Variants in PAX8 observed in about 807,000 individuals in gnomAD.
PAX8 encodes paired box protein Pax-8.
A neutral mutation model predicts 52.4 loss-of-function variants in PAX8; 15 were observed. The observed-to-expected ratio is 0.29, with a 90% CI of 0.19 to 0.44. The LOEUF (loss-of-function observed/expected upper bound fraction) is 0.44, where lower values mean the gene tolerates loss of function less well. Among genes scored for constraint, PAX8 ranks in the 20% least tolerant of loss-of-function variants. PAX8 has a pLI of 1.00. For synonymous variants in PAX8, 284 were observed against 249.7 expected (o/e 1.14, Z -1.29); for missense variants, 554 against 602.5 (o/e 0.92, Z 0.84).
chr2:113,274,948 A>C (rs1693698024), intron 2 of PAX8: 1 of 152,196 alleles, frequency 6.6e-6, no homozygotes, highest in Admixed American at 6.5e-5. Context: ...CATAAATAGA[A>C]CGTTTTGACA....
At chr2:113,225,700 C>G (rs1689520498) in intron 10 of PAX8, 1 of 158,538 alleles carries the variant, frequency 6.3e-6, no homozygotes, top group South Asian at 2.0e-4. Flanking sequence ...GCCCCAGGAA[C>G]CCCTTGCCCT....
intron 10 of PAX8, chr2:113,226,000 T>C (rs893409537): frequency 1.0e-6 from 1 of 985,612 alleles, no homozygotes; most frequent in Non-Finnish European, 1.2e-6. Flanking sequence ...CAGTATTCTG[T>C]ATTTTCAACG....
chr2:113,278,360 G>T lies in PAX8; in HGVS notation c.25+10C>A. 1.9e-6 allele frequency: 3 copies of T among 1,592,888 alleles called. No individual in the cohort carries two copies. The highest frequency in any genetic ancestry group is 2.6e-6 in the Non-Finnish European group (3 of 1,163,208). On this transcript the variant is annotated intron_variant, in intron 2 of 11. Coordinates refer to ENST00000429538, the MANE Select transcript of PAX8 (RefSeq NM_003466.4). ...GGGGCTCGGGGATCCTGACCACACC[G>T]CGTTCTTACCAGATCTGATGGAGTT... is the stretch of plus-strand genomic sequence containing the variant.
chr2:113,260,878 T>TTGTGTGTGTG (rs34240850), intron 2 of PAX8, among the ~76,000 whole-genome samples: 2,241 of 148,182 alleles, frequency 0.015, 34 homozygotes, highest in African/African-American at 0.035. Context: ...AGTGACTGTT[T>TTGTGTGTGTG]TGTGTGTGTG....
intron 2 of PAX8, among the ~76,000 whole-genome samples, chr2:113,254,575 G>C (rs1432675290): frequency 6.6e-6 from 1 of 152,130 alleles, no homozygotes; most frequent in Non-Finnish European, 1.5e-5. Flanking sequence ...CTAAATCCTA[G>C]TCTGGCCATA....
intron 3 of PAX8, among the ~76,000 whole-genome samples, 171 bp downstream of exon 3, chr2:113,246,583 G>T (rs1174119090): frequency 6.6e-6 from 1 of 152,222 alleles, no homozygotes; most frequent in Non-Finnish European, 1.5e-5. Flanking sequence ...AAAAATAGTG[G>T]CTGGGTAGAG....
In PAX8 at chr2:113,247,283, C is replaced by T. The variant is rs868253535; in HGVS notation, c.26-364G>A. On this transcript the variant is annotated intron_variant, in intron 2 of 11. Coordinates refer to ENST00000429538, the MANE Select transcript of PAX8 (RefSeq NM_003466.4). ...GGGTCTTCCCATACCAATACTGAGC[C>T]GTTTGACCTTGGGGAAAACCCCTTC... 3.3e-4 allele frequency among the ~76,000 whole-genome samples: 50 copies of T among 152,292 alleles called. 1 individual carries two copies. Among genetic ancestry groups the T allele is most frequent in the African/African-American group, 9.4e-4 (39 of 41,556 alleles).
At chr2:113,235,202 C>T in intron 9 of PAX8, 192 bp downstream of exon 9, 1 of 587,892 alleles carries the variant, frequency 1.7e-6, no homozygotes, top group Non-Finnish European at 3.0e-6. Context: ...CCTACAGCAT[C>T]CGCCCCTTCC....
intron 7 of PAX8, chr2:113,237,384 A>G (rs1232996878): frequency 2.0e-5 from 3 of 152,132 alleles, no homozygotes; most frequent in African/African-American, 7.2e-5. Flanking sequence ...AACTCAGGTA[A>G]ATGGCCCAAT....
At chr2:113,232,202 G>T (rs1411695134) in intron 9 of PAX8, among the ~76,000 whole-genome samples, 1 of 152,172 alleles carries the variant, frequency 6.6e-6, no homozygotes, top group Non-Finnish European at 1.5e-5. Context: ...AGAGGCCTCA[G>T]GTGGACAGTC....
At position 113,216,441 on chromosome 2, in the gene PAX8, T is replaced by C; in HGVS notation, c.*2092A>G. 4.3e-6 allele frequency: 1 copy of C among 231,322 alleles called. No individual in the cohort carries two copies. Among genetic ancestry groups the C allele is most frequent in the Non-Finnish European group, 8.6e-6 (1 of 116,890 alleles). The allele number at this position is 231,322 out of a possible 1,614,324, so 14.3% of individuals were successfully genotyped here. On this transcript the variant is annotated 3_prime_UTR_variant, in exon 12 of 12. Transcript: ENST00000429538. ...CCTTCTATCTGACTCAATCCCAGTG[T>C]TGTTTGTCCAGCTGCCCATATTCAC...
chr2:113,226,877 A>C, intron 10 of PAX8: 1 of 1,337,354 alleles, frequency 7.5e-7, no homozygotes, highest in Non-Finnish European at 9.7e-7. Flanking sequence ...TTGGATTTGA[A>C]CACAGACCTG....
At chr2:113,258,133 G>A (rs1692397233) in intron 2 of PAX8, among the ~76,000 whole-genome samples, 1 of 152,124 alleles carries the variant, frequency 6.6e-6, no homozygotes, top group Non-Finnish European at 1.5e-5. Context: ...ACCAAGTATG[G>A]GTGCTTTCCA....
chr2:113,271,054 A>G (rs932578108), intron 2 of PAX8: 2 of 152,230 alleles, frequency 1.3e-5, no homozygotes, highest in Non-Finnish European at 2.9e-5. Flanking sequence ...AGGCTCCAAA[A>G]GAGAAATGCC....
intron 3 of PAX8, 104 bp from the exon 4 acceptor site, chr2:113,244,728 G>T: frequency 9.6e-7 from 1 of 1,039,534 alleles, no homozygotes; most frequent in Non-Finnish European, 1.5e-6. Context: ...CTGGGTAGGG[G>T]TATGAGAGTG....
rs111481416 is a variant in PAX8 at position 113,235,390 on chromosome 2, G to C, written c.1087+4C>G. 2.5e-6 allele frequency: 4 copies of C among 1,569,172 alleles called. No homozygotes were observed. The highest frequency in any genetic ancestry group is 1.4e-5 in the African/African-American group (1 of 73,930). ...TGCATGGCCCCGGGACCTCCCTGTC[G>C]TACCTGAGAGGAGGGCCTGGCCCGT... On this transcript the variant is annotated splice_donor_region_variant and intron_variant, in intron 9 of 11. Coordinates refer to ENST00000429538, the MANE Select transcript of PAX8 (RefSeq NM_003466.4).
intron 5 of PAX8, among the ~76,000 whole-genome samples, 170 bp from the exon 6 acceptor site, chr2:113,242,300 C>T (rs574991556): frequency 2.0e-5 from 3 of 151,236 alleles, no homozygotes; most frequent in East Asian, 2.0e-4. Flanking sequence ...GGGGGGACTG[C>T]GGTGGTGGGA....
At chr2:113,248,066 C>A (rs1691469335) in intron 2 of PAX8, among the ~76,000 whole-genome samples, 1 of 152,146 alleles carries the variant, frequency 6.6e-6, no homozygotes, top group African/African-American at 2.4e-5. Context: ...GCAGTGGGAA[C>A]AGAATGTGCA....
intron 2 of PAX8, chr2:113,273,600 T>C (rs570758826): frequency 9.2e-5 from 14 of 152,236 alleles, no homozygotes; most frequent in Non-Finnish European, 1.9e-4. Flanking sequence ...TGAGGAACTT[T>C]ATCTCTGGAC....
Sources: gnomAD v4.1 joint callset for allele counts (sites outside exome capture counted in the v4.1 genomes callset) on GRCh38, gnomAD v4.1.1 for gene constraint, MANE v1.5 for transcripts, NCBI Gene and HGNC (gene_info 2026-07-23, HGNC 2026-07-21) for gene names.